The following CSMD3 variants were observed in gnomAD, a reference collection of about 807,000 sequenced individuals.
CSMD3 encodes the protein CUB and sushi domain-containing protein 3.
CSMD3 carries 177 observed loss-of-function variants against 435.2 expected under a neutral mutation model. That is an observed-to-expected ratio of 0.41 (90% CI 0.36 to 0.46). The LOEUF (loss-of-function observed/expected upper bound fraction) is 0.46. CSMD3 is among the 20% of genes least tolerant of loss of function. The probability of loss-of-function intolerance (pLI) is 0.34; values close to 1 mark genes in which losing one functional copy is unlikely to be tolerated. For synonymous variants in CSMD3, 1,656 were observed against 1,520.5 expected (o/e 1.09, Z -2.07); for missense variants, 4,265 against 4,504.6 (o/e 0.95, Z 1.52).
At chr8:113,084,624 A>G (rs1345884261) in intron 5 of CSMD3, among the ~76,000 whole-genome samples, 1 of 20,106 alleles carries the variant, frequency 5.0e-5, no homozygotes, top group Admixed American at 5.6e-4. Context: ...AATGGAACCA[A>G]AAAAAAAAAA....
chr8:112,788,333 T>A (rs1263287181), intron 13 of CSMD3, among the ~76,000 whole-genome samples: 1 of 152,044 alleles, frequency 6.6e-6, no homozygotes, highest in Non-Finnish European at 1.5e-5. Flanking sequence ...TTCAGCTTTA[T>A]CTAGTACTAC....
chr8:112,701,928 TC>T (rs2076397675), intron 13 of CSMD3, among the ~76,000 whole-genome samples: 1 of 152,158 alleles, frequency 6.6e-6, no homozygotes. Context: ...CTATACATCC[TC>T]CATAATGAGT....
chr8:112,489,420 G>A (rs1254789642), intron 31 of CSMD3, among the ~76,000 whole-genome samples: 2 of 152,126 alleles, frequency 1.3e-5, no homozygotes, highest in African/African-American at 2.4e-5. Context: ...GTGAGACCCT[G>A]TCTGAAAAAA....
intron 59 of CSMD3, among the ~76,000 whole-genome samples, chr8:112,275,314 G>A (rs1386738208): frequency 7.9e-5 from 12 of 152,268 alleles, no homozygotes; most frequent in South Asian, 2.1e-4. Flanking sequence ...TTGGGAGGCC[G>A]AGGCAGACGG....
intron 5 of CSMD3, among the ~76,000 whole-genome samples, chr8:113,054,099 T>G (rs896872876): frequency 6.6e-6 from 1 of 152,186 alleles, no homozygotes; most frequent in Non-Finnish European, 1.5e-5. Flanking sequence ...TATGACATTT[T>G]GTATTACTCA....
intron 19 of CSMD3, 67 bp downstream of exon 19, chr8:112,650,094 T>C (rs949593612): frequency 2.6e-5 from 29 of 1,103,460 alleles, no homozygotes; most frequent in Non-Finnish European, 3.5e-5. Context: ...TTAAACCCCA[T>C]ATAAAAAACT....
intron 43 of CSMD3, 22 bp downstream of exon 43, chr8:112,337,521 T>C (rs904713003): frequency 5.0e-6 from 8 of 1,591,046 alleles, no homozygotes; most frequent in Non-Finnish European, 6.9e-6. Context: ...ACCTAAAAGA[T>C]AGCTTCAAGT....
chr8:112,310,777 TA>T, intron 50 of CSMD3, 200 bp downstream of exon 50: 1 of 668,406 alleles, frequency 1.5e-6, no homozygotes, highest in Non-Finnish European at 2.7e-6. Context: ...TGCATAACAA[TA>T]ATGAATAATT....
chr8:112,289,485 T>A lies in CSMD3; in HGVS notation c.9028A>T (p.Lys3010Ter). 6.2e-7 allele frequency: 1 copy of A among 1,613,020 alleles called. No individual in the cohort carries two copies. Among genetic ancestry groups the A allele is most frequent in the Non-Finnish European group, 8.5e-7 (1 of 1,179,316 alleles). The change falls in exon 57 of 71, where the codon AAG becomes TAG. Residue 3010 changes from lysine (K) to a stop codon, truncating the protein, a stop_gained. Coordinates refer to ENST00000297405, the MANE Select transcript of CSMD3 (RefSeq NM_198123.2). LOFTEE classifies it high-confidence loss of function. The stretch of plus-strand genomic sequence containing the variant: ...TGAACAGTAGACCCAAAAGTATACT[T>A]CTCGCCAGACAGGACTGCATTAGGA... Reference protein sequence around the residue: ...VPPNAVLSGEKYTFGSTVHYS... With the variant: ...VPPNAVLSGE
chr8:112,254,071 A>T (rs922220539), intron 63 of CSMD3, among the ~76,000 whole-genome samples, 182 bp downstream of exon 63: 14 of 151,916 alleles, frequency 9.2e-5, no homozygotes, highest in African/African-American at 2.9e-4. Context: ...AAATTTTATT[A>T]AAAAAATTTT....
chr8:112,464,866 A>G (rs1377490672), intron 32 of CSMD3, among the ~76,000 whole-genome samples: 1 of 152,186 alleles, frequency 6.6e-6, no homozygotes, highest in African/African-American at 2.4e-5. Context: ...AGGAGATATG[A>G]AATATAAAAT....
chr8:112,651,743 G>C (rs1307754969), intron 18 of CSMD3, among the ~76,000 whole-genome samples: 1 of 151,810 alleles, frequency 6.6e-6, no homozygotes, highest in African/African-American at 2.4e-5. Flanking sequence ...TTACCATGCT[G>C]GCCAGGCTGG....
intron 36 of CSMD3, among the ~76,000 whole-genome samples, chr8:112,388,017 G>C (rs1830121652): frequency 6.6e-6 from 1 of 152,112 alleles, no homozygotes; most frequent in South Asian, 2.1e-4. Context: ...ACTTAACCTT[G>C]TCTCAAGTTC....
At chr8:113,166,484 G>A (rs976138075) in intron 4 of CSMD3, among the ~76,000 whole-genome samples, 9 of 152,048 alleles carry the variant, frequency 5.9e-5, no homozygotes, top group African/African-American at 1.2e-4. Context: ...CAGCTTGGGC[G>A]ACAAGAGTGA....
intron 5 of CSMD3, among the ~76,000 whole-genome samples, chr8:113,048,939 T>C (rs984323187): frequency 2.0e-5 from 3 of 152,170 alleles, no homozygotes; most frequent in African/African-American, 7.2e-5. Context: ...ATTTTGTGTT[T>C]TATAAGTCTC....
intron 4 of CSMD3, among the ~76,000 whole-genome samples, chr8:113,108,633 G>A (rs2090552244): frequency 6.6e-6 from 1 of 152,004 alleles, no homozygotes; most frequent in Non-Finnish European, 1.5e-5. Flanking sequence ...AACTTAATGA[G>A]TGAATTTAGC....
rs1200152539 is a variant in CSMD3, at chr8:113,126,346, A to G, written c.710-27383T>C. Among the ~76,000 whole-genome samples, 25 of 151,980 alleles carry G rather than the reference A, an allele frequency of 1.6e-4. No homozygotes were observed. In the Admixed American group the frequency reaches 1.6e-3, roughly 10 times the overall value. On this transcript the variant is annotated intron_variant, in intron 4 of 70. Coordinates refer to ENST00000297405, the MANE Select transcript of CSMD3 (RefSeq NM_198123.2). ...GTGGCCTTTTAATGTCCAAGGGGAGACAAACTGGAAAAATACTTGAAAATT... is the reference window on the plus strand; with the variant it reads ...GTGGCCTTTTAATGTCCAAGGGGAGGCAAACTGGAAAAATACTTGAAAATT...
chr8:112,730,956 T>C (rs2077061261), intron 13 of CSMD3, among the ~76,000 whole-genome samples: 1 of 152,098 alleles, frequency 6.6e-6, no homozygotes, highest in Non-Finnish European at 1.5e-5. Flanking sequence ...TAAGGAAATG[T>C]ATGCAAAGAA....
intron 27 of CSMD3, among the ~76,000 whole-genome samples, chr8:112,525,010 C>T (rs1043443372): frequency 1.3e-5 from 2 of 151,782 alleles, no homozygotes; most frequent in African/African-American, 4.8e-5. Flanking sequence ...ATATTTTAAA[C>T]TGTCGGTAGC....
Sources: allele counts gnomAD v4.1 joint callset (sites outside exome capture counted in the v4.1 genomes callset), GRCh38; gene constraint gnomAD v4.1.1; transcripts MANE v1.5; gene names NCBI Gene and HGNC (gene_info 2026-07-23, HGNC 2026-07-21).